Variants in ATP2A2 observed in about 807,000 individuals in gnomAD.
ATP2A2 encodes the protein sarcoplasmic/endoplasmic reticulum calcium ATPase 2.
A neutral mutation model predicts 109.3 loss-of-function variants in ATP2A2; 14 were observed. The ratio of observed to expected loss-of-function variants is 0.13; its 90% CI spans 0.08 to 0.20. ATP2A2 has a LOEUF of 0.20. ATP2A2 is among the 10% of genes least tolerant of loss of function. The probability of loss-of-function intolerance (pLI) is 1.00; values close to 1 mark genes in which losing one functional copy is unlikely to be tolerated. For missense variants in ATP2A2, 657 were observed against 1,321.6 expected, an observed-to-expected ratio of 0.50 and a Z score of 7.80; for synonymous variants, 506 against 490.9, an observed-to-expected ratio of 1.03 and a Z score of -0.41.
chr12:110,321,152 C>T (rs1304779156), intron 5 of ATP2A2, among the ~76,000 whole-genome samples: 2 of 152,148 alleles, frequency 1.3e-5, no homozygotes, highest in Non-Finnish European at 2.9e-5. Context: ...CGCTTGAACC[C>T]GGGAGGTGGA....
In ATP2A2 at chr12:110,346,102, A is replaced by G; in HGVS notation, c.2843A>G (p.Tyr948Cys). Residue 948 changes from tyrosine to cysteine, a missense_variant, in exon 19 of 20, where the codon TAT becomes TGT. By Grantham distance (194) the Tyr-to-Cys change is radical. Transcript: ENST00000539276. The stretch of plus-strand genomic sequence containing the variant: ...ATGTCACTCCACTTCCTGATCCTCT[A>G]TGTCGAACCCTTGCCAGTAAGTGGT... ...LSMSLHFLIL[Y>C]VEPLPLIFQI... is the part of the protein sequence containing the mutation. The G allele has an allele frequency of 1.2e-6, 2 of 1,613,994 alleles. No individual in the cohort carries two copies. The highest frequency in any genetic ancestry group is 1.7e-6 in the Non-Finnish European group (2 of 1,179,990).
Position 110,322,985 on chromosome 12 carries a change from T to G in ATP2A2, c.464-7T>G, listed in dbSNP as rs1877397104. On this transcript the variant is annotated splice_region_variant and splice_polypyrimidine_tract_variant and intron_variant, in intron 5 of 19. Transcript: ENST00000539276. The stretch of plus-strand genomic sequence containing the variant: ...CATTTCAGCCGCCTTTTTTTTCTCC[T>G]AATTAGTTGGTGACAAAGTTCCTGC... The G allele has an allele frequency of 6.2e-7, 1 of 1,608,240 alleles. No homozygotes were observed. Among genetic ancestry groups the G allele is most frequent in the Non-Finnish European group, 8.5e-7 (1 of 1,174,650 alleles).
At chr12:110,325,976 A>AT in intron 6 of ATP2A2, 1 of 211,632 alleles carries the variant, frequency 4.7e-6, no homozygotes, top group Non-Finnish European at 9.7e-6. Flanking sequence ...ATAGAGCAAG[A>AT]CCTCTGTCTC....
intron 4 of ATP2A2, among the ~76,000 whole-genome samples, chr12:110,293,866 A>G (rs201065012): frequency 0.031 from 1,940 of 63,516 alleles, 42 homozygotes; most frequent in East Asian, 0.085. Flanking sequence ...GTGTGTGTGT[A>G]TATATTTTTT....
intron 5 of ATP2A2, among the ~76,000 whole-genome samples, chr12:110,311,144 A>G (rs1875990512): frequency 6.6e-6 from 1 of 152,216 alleles, no homozygotes; most frequent in Non-Finnish European, 1.5e-5. Context: ...CTGGCTTTAA[A>G]CATTTAGCAA....
chr12:110,293,141 G>T (rs750799857), intron 4 of ATP2A2, among the ~76,000 whole-genome samples: 1 of 151,734 alleles, frequency 6.6e-6, no homozygotes, highest in Non-Finnish European at 1.5e-5. Flanking sequence ...GCAGTGGCAC[G>T]ATCTCGGCTC....
At chr12:110,311,846 T>C (rs903515735) in intron 5 of ATP2A2, among the ~76,000 whole-genome samples, 2 of 151,914 alleles carry the variant, frequency 1.3e-5, no homozygotes, top group Non-Finnish European at 2.9e-5. Flanking sequence ...GAGACCAGCC[T>C]GGGCAACATA....
intron 8 of ATP2A2, chr12:110,332,382 G>T: frequency 3.5e-6 from 2 of 578,912 alleles, no homozygotes; most frequent in Non-Finnish European, 6.2e-6. Flanking sequence ...CGATTGGTCG[G>T]GGGTGTGATG....
chr12:110,304,162 A>G (rs770825525), intron 5 of ATP2A2, among the ~76,000 whole-genome samples: 15 of 152,210 alleles, frequency 9.9e-5, no homozygotes, highest in Non-Finnish European at 2.1e-4. Flanking sequence ...TTACTGCTGA[A>G]TAATGTTTAT....
rs1038684821 is a variant in ATP2A2 at position 110,348,361 on chromosome 12, A to C, written c.*1891A>C. 24 of 985,220 alleles carry C rather than the reference A, an allele frequency of 2.4e-5. No individual in the cohort carries two copies. Among genetic ancestry groups the C allele is most frequent in the African/African-American group, 3.5e-5 (2 of 57,184 alleles). 61.0% of individuals were successfully genotyped at this position (985,220 alleles called of 1,614,324 possible). A position where few individuals can be genotyped will look rare whatever the true frequency, so the allele number is the denominator to read the frequency against. On this transcript the variant is annotated 3_prime_UTR_variant, in exon 20 of 20. Transcript: ENST00000539276. ...AGTAGGACGTGGCTCTGCACAGCCCAAAAACCAGCTTACTCCTTAGCCAGG... is the reference window on the plus strand; with the variant it reads ...AGTAGGACGTGGCTCTGCACAGCCCCAAAACCAGCTTACTCCTTAGCCAGG...
chr12:110,313,742 G>C (rs544990942), intron 5 of ATP2A2, among the ~76,000 whole-genome samples: 2 of 143,598 alleles, frequency 1.4e-5, no homozygotes, highest in African/African-American at 2.6e-5. Flanking sequence ...CAAAGTCTCG[G>C]CTCTGTCACC....
chr12:110,302,785 G>C (rs1874821685), intron 5 of ATP2A2, among the ~76,000 whole-genome samples: 1 of 152,102 alleles, frequency 6.6e-6, no homozygotes, highest in Admixed American at 6.6e-5. Context: ...TTGTAGTAGA[G>C]ATGGGGTTTT....
At position 110,323,005 on chromosome 12, in the gene ATP2A2, T is replaced by A; in HGVS notation, c.477T>A (p.Val159=). ...DIVEIAVGDK[V]PADIRLTSIK... is the part of the protein sequence containing the mutation. ...TCTCCTAATTAGTTGGTGACAAAGT[T>A]CCTGCTGATATAAGGTTAACTTCCA... The change falls in exon 6 of 20, where the codon GTT becomes GTA. Residue 159 remains valine (V), a synonymous_variant. Transcript: ENST00000539276. 1.2e-6 allele frequency: 2 copies of A among 1,613,112 alleles called. No homozygotes were observed. Among genetic ancestry groups the A allele is most frequent in the Non-Finnish European group, 1.7e-6 (2 of 1,179,060 alleles).
upstream of ATP2A2, chr12:110,281,092 T>A (rs947482288): frequency 6.7e-6 from 1 of 149,824 alleles, no homozygotes; most frequent in African/African-American, 2.4e-5. Context: ...GGGCGGGGCC[T>A]GCGCGGCAGC....
chr12:110,328,090 A>G, intron 8 of ATP2A2, 73 bp downstream of exon 8: 5 of 1,451,372 alleles, frequency 3.4e-6, no homozygotes, highest in Non-Finnish European at 4.8e-6. Flanking sequence ...TCATGCCATC[A>G]AAACTTTTGA....
rs1566237697 is a variant in ATP2A2 at position 110,339,312 on chromosome 12, C to T, written c.1451C>T (p.Thr484Ile). ...VIKQLMKKEF[T>I]LEFSRDRKSM... ...AAACAGCTGATGAAAAAGGAATTCACTCTAGAGTTTTCACGTGACAGAAAG... is the reference window on the plus strand; with the variant it reads ...AAACAGCTGATGAAAAAGGAATTCATTCTAGAGTTTTCACGTGACAGAAAG... Residue 484 changes from threonine to isoleucine, a missense_variant, in exon 12 of 20, where the codon ACT becomes ATT. Physicochemically the swap from Thr to Ile is moderately conservative, Grantham distance 89. Around this residue, in one of 9 missense-constraint regions of ATP2A2, gnomAD observed 180 missense variants for 329.1 expected, o/e 0.55. Transcript: ENST00000539276. The surrounding 1 kb of genome is among the most constrained non-coding windows in gnomAD (Gnocchi z 4.4). 1 of 1,614,104 alleles carries T rather than the reference C, an allele frequency of 6.2e-7. No individual in the cohort carries two copies.
chr12:110,318,661 A>G (rs933221331), intron 5 of ATP2A2, among the ~76,000 whole-genome samples: 1 of 152,120 alleles, frequency 6.6e-6, no homozygotes, highest in African/African-American at 2.4e-5. Context: ...TTTAGTAGAG[A>G]TGGGGTTTCA....
intron 8 of ATP2A2, 102 bp downstream of exon 8, chr12:110,328,119 T>A: frequency 1.7e-6 from 2 of 1,190,816 alleles, no homozygotes; most frequent in Non-Finnish European, 2.4e-6. Context: ...TTCATACATT[T>A]CTGTGGGCTG....
intron 3 of ATP2A2, among the ~76,000 whole-genome samples, chr12:110,287,115 T>C (rs538081991): frequency 6.6e-6 from 1 of 151,982 alleles, no homozygotes; most frequent in East Asian, 1.9e-4. Flanking sequence ...TAGCCAGGCG[T>C]GGTGGTGGGT....
Sources: gnomAD v4.1 joint callset for allele counts (sites outside exome capture counted in the v4.1 genomes callset) on GRCh38, gnomAD v4.1.1 for gene constraint, gnomAD v4.1.1 regional missense constraint, Gnocchi (gnomAD v3.1) non-coding constraint, MANE v1.5 for transcripts, NCBI Gene and HGNC (gene_info 2026-07-23, HGNC 2026-07-21) for gene names.